The following RAMP1 variants were observed in gnomAD, a reference collection of about 807,000 sequenced individuals.
The protein encoded by RAMP1 is receptor activity modifying protein 1.
Under a neutral mutation model 8.2 loss-of-function variants are expected in RAMP1, and 7 were observed. That is an observed-to-expected ratio of 0.85 (90% CI 0.49 to 1.60). The LOEUF is 1.60. RAMP1 is among the 40% of genes most tolerant of loss of function. The pLI is 0.00. For missense variants in RAMP1, 192 were observed against 202.4 expected (o/e 0.95, Z 0.31); for synonymous variants, 92 against 84.7 (o/e 1.09, Z -0.47).
chr2:237,883,873 G>A (rs1003007904), intron 2 of RAMP1, among the ~76,000 whole-genome samples: 1 of 148,866 alleles, frequency 6.7e-6, no homozygotes, highest in Non-Finnish European at 1.5e-5. Flanking sequence ...CCTCTGCACA[G>A]GGGTCATTCC....
At chr2:237,873,767 C>T (rs905880229) in intron 1 of RAMP1, among the ~76,000 whole-genome samples, 2 of 152,226 alleles carry the variant, frequency 1.3e-5, no homozygotes, top group African/African-American at 2.4e-5. Context: ...GCAATTTTAT[C>T]CTATTTTAAA....
At chr2:237,901,540 T>C (rs1339646621) in intron 2 of RAMP1, among the ~76,000 whole-genome samples, 8 of 152,174 alleles carry the variant, frequency 5.3e-5, no homozygotes, top group Admixed American at 5.2e-4. Flanking sequence ...AGGAACAGCA[T>C]GTGCAAAGGT....
chr2:237,872,302 G>A (rs148598001), intron 1 of RAMP1, among the ~76,000 whole-genome samples: 50 of 152,306 alleles, frequency 3.3e-4, no homozygotes, highest in Middle Eastern at 6.8e-3. Flanking sequence ...TGCCAAAGTC[G>A]TCCACTCAGT....
chr2:237,886,926 G>A (rs932173051), intron 2 of RAMP1, among the ~76,000 whole-genome samples: 3 of 152,194 alleles, frequency 2.0e-5, no homozygotes, highest in Admixed American at 6.5e-5. Flanking sequence ...ATCCACCCCC[G>A]CCTCCCCTGT....
chr2:237,877,322 G>A lies in RAMP1; in HGVS notation c.151G>A (p.Val51Ile), dbSNP rs372494526. 6.3e-5 allele frequency: 102 copies of A among 1,613,990 alleles called. No individual in the cohort carries two copies. The South Asian group carries it at 6.7e-4, about 11-fold the overall frequency. ...LTQFQVDMEA[V>I]GETLWCDWGR... ...CCAGTTCCAGGTAGACATGGAGGCCGTCGGGGAGACGCTGTGGTGTGACTG... is the reference window on the plus strand; with the variant it reads ...CCAGTTCCAGGTAGACATGGAGGCCATCGGGGAGACGCTGTGGTGTGACTG... The change falls in exon 2 of 3, where the codon GTC (valine) becomes ATC (isoleucine). Residue 51 changes from valine (V) to isoleucine (I), a missense_variant. Coordinates refer to ENST00000254661, the MANE Select transcript of RAMP1 (RefSeq NM_005855.4). The surrounding 1 kb of genome is among the most constrained non-coding windows in gnomAD (Gnocchi z 4.4).
intron 2 of RAMP1, among the ~76,000 whole-genome samples, chr2:237,882,188 A>G (rs577774725): frequency 3.9e-5 from 6 of 152,136 alleles, no homozygotes; most frequent in African/African-American, 1.4e-4. Context: ...GTCATGCACT[A>G]AGCTTCCCTG....
chr2:237,893,313 T>C (rs2062504708), intron 2 of RAMP1, among the ~76,000 whole-genome samples: 1 of 152,214 alleles, frequency 6.6e-6, no homozygotes. Context: ...TGCAGTATTC[T>C]TTTTGGTTTA....
chr2:237,899,013 C>T (rs73094328), intron 2 of RAMP1, among the ~76,000 whole-genome samples: 6,630 of 152,162 alleles, frequency 0.044, 208 homozygotes, highest in Non-Finnish European at 0.062. Context: ...CTGGCTGCCA[C>T]GAAAATGCCA....
chr2:237,905,856 C>G (rs942370987), intron 2 of RAMP1, among the ~76,000 whole-genome samples: 5 of 151,892 alleles, frequency 3.3e-5, no homozygotes, highest in African/African-American at 1.2e-4. Context: ...ACTAAAAATA[C>G]AAAAATTAGC....
intron 2 of RAMP1, among the ~76,000 whole-genome samples, chr2:237,892,276 C>CTTTTTTTTT (rs201847138): frequency 3.7e-5 from 5 of 134,384 alleles, no homozygotes; most frequent in Admixed American, 7.4e-5. Context: ...TTCTTTCTTT[C>CTTTTTTTTT]TTTTTTTTTT....
intron 1 of RAMP1, among the ~76,000 whole-genome samples, chr2:237,860,587 C>G (rs1418906384): frequency 6.6e-6 from 1 of 152,208 alleles, no homozygotes; most frequent in Non-Finnish European, 1.5e-5. Context: ...TTGCATTATT[C>G]CGTGTATTTA....
intron 2 of RAMP1, among the ~76,000 whole-genome samples, chr2:237,891,652 A>G (rs1410886945): frequency 6.6e-6 from 1 of 152,100 alleles, no homozygotes; most frequent in Non-Finnish European, 1.5e-5. Flanking sequence ...CTAGTATATG[A>G]TGACTTTTTG....
Position 237,911,794 on chromosome 2 carries a change from G to C in RAMP1, c.*11G>C. The C allele has an allele frequency of 6.3e-7, 1 of 1,585,114 alleles. No individual in the cohort carries two copies. On this transcript the variant is annotated 3_prime_UTR_variant, in exon 3 of 3. Transcript: ENST00000254661. The stretch of plus-strand genomic sequence containing the variant: ...GAGGGCATTGTGTAGGCGGGGCCCA[G>C]GCTGCCCGCGGGTGCACCCAGGCTG...
At chr2:237,867,721 C>G (rs1452240833) in intron 1 of RAMP1, among the ~76,000 whole-genome samples, 1 of 152,156 alleles carries the variant, frequency 6.6e-6, no homozygotes, top group Non-Finnish European at 1.5e-5. Context: ...TCCTGTGCAG[C>G]CTTTCGGCAG....
chr2:237,864,329 G>C (rs937995393), intron 1 of RAMP1, among the ~76,000 whole-genome samples: 1 of 140,620 alleles, frequency 7.1e-6, no homozygotes, highest in Non-Finnish European at 1.5e-5. Flanking sequence ...TGTTTGCTTC[G>C]TAAGGCCTGC....
chr2:237,910,730 A>G (rs946470043), intron 2 of RAMP1, among the ~76,000 whole-genome samples: 1 of 151,976 alleles, frequency 6.6e-6, no homozygotes, highest in Non-Finnish European at 1.5e-5. Context: ...AGAGAATAAC[A>G]GTAACACACA....
intron 2 of RAMP1, among the ~76,000 whole-genome samples, chr2:237,886,199 C>T (rs1485732221): frequency 6.6e-6 from 1 of 152,114 alleles, no homozygotes; most frequent in Admixed American, 6.5e-5. Flanking sequence ...ATATGCCGGC[C>T]CTGCCCAGGC....
At chr2:237,866,438 A>C (rs2062187622) in intron 1 of RAMP1, among the ~76,000 whole-genome samples, 1 of 152,018 alleles carries the variant, frequency 6.6e-6, no homozygotes, top group Non-Finnish European at 1.5e-5. Flanking sequence ...ACCACCTCTT[A>C]ACAATTTTCC....
chr2:237,909,228 C>A (rs1427367467), intron 2 of RAMP1, among the ~76,000 whole-genome samples: 1 of 152,148 alleles, frequency 6.6e-6, no homozygotes, highest in Non-Finnish European at 1.5e-5. Flanking sequence ...AGGTGTGAGA[C>A]CCGTGCAGTC....
Sources: gnomAD v4.1 joint callset for allele counts (sites outside exome capture counted in the v4.1 genomes callset) on GRCh38, gnomAD v4.1.1 for gene constraint, Gnocchi (gnomAD v3.1) non-coding constraint, MANE v1.5 for transcripts, NCBI Gene and HGNC (gene_info 2026-07-23, HGNC 2026-07-21) for gene names.